The following OR1J2 variants were observed in gnomAD, a reference collection of about 807,000 sequenced individuals.
The protein encoded by OR1J2 is olfactory receptor 1J2.
For missense variants in OR1J2, 304 were observed against 246.1 expected (o/e 1.24, Z -1.57); for synonymous variants, 142 against 99.7 (o/e 1.42, Z -2.52).
the OR1J2 span, among the ~76,000 whole-genome samples, chr9:122,451,272 A>G: frequency 1.1e-4 from 17 of 151,180 alleles, no homozygotes; most frequent in Non-Finnish European, 2.5e-4. Context: ...TGCAACCTAC[A>G]CCACCCGGGT....
the OR1J2 span, chr9:122,576,749 A>C: frequency 6.6e-6 from 1 of 152,202 alleles, no homozygotes; most frequent in Non-Finnish European, 1.5e-5. Context: ...CATCAATTAC[A>C]GTTCAGGTTT....
the OR1J2 span, among the ~76,000 whole-genome samples, chr9:122,565,714 C>G: frequency 0.028 from 4,293 of 152,334 alleles, 192 homozygotes; most frequent in African/African-American, 0.098. Flanking sequence ...AACTTACCTT[C>G]TCCCCACCTT....
chr9:122,519,072 A>AAATC, the OR1J2 span: 1 of 1,081,124 alleles, frequency 9.2e-7, no homozygotes, highest in East Asian at 2.4e-5. Flanking sequence ...CTGCTGCTGT[A>AAATC]AATCAACATT....
chr9:122,555,155 C>T, the OR1J2 span, among the ~76,000 whole-genome samples: 1 of 152,154 alleles, frequency 6.6e-6, no homozygotes, highest in Non-Finnish European at 1.5e-5. Context: ...GCAGTGATAA[C>T]TCACAGAGAA....
chr9:122,470,532 C>T, the OR1J2 span, among the ~76,000 whole-genome samples: 1 of 152,180 alleles, frequency 6.6e-6, no homozygotes, highest in Non-Finnish European at 1.5e-5. Context: ...GGGTTGGAAC[C>T]CCCACACAGA....
the OR1J2 span, among the ~76,000 whole-genome samples, chr9:122,483,552 A>G: frequency 6.6e-6 from 1 of 152,234 alleles, no homozygotes; most frequent in Non-Finnish European, 1.5e-5. Context: ...TTATGGGCAC[A>G]TATATGCAGT....
At chr9:122,531,904 G>A in the OR1J2 span, among the ~76,000 whole-genome samples, 1 of 152,188 alleles carries the variant, frequency 6.6e-6, no homozygotes, top group Non-Finnish European at 1.5e-5. Context: ...CAGTGAAAGT[G>A]TCTACCTAGA....
chr9:122,490,418 T>A, the OR1J2 span, among the ~76,000 whole-genome samples: 1 of 152,236 alleles, frequency 6.6e-6, no homozygotes, highest in African/African-American at 2.4e-5. Flanking sequence ...TGGCTTGTTA[T>A]ATCTGCATTG....
chr9:122,486,302 G>T, the OR1J2 span, among the ~76,000 whole-genome samples: 3,086 of 152,176 alleles, frequency 0.02, 111 homozygotes, highest in African/African-American at 0.07. Context: ...GAGAACACTG[G>T]GATTCAGTGA....
chr9:122,460,053 T>C, the OR1J2 span, among the ~76,000 whole-genome samples: 1 of 152,156 alleles, frequency 6.6e-6, no homozygotes, highest in African/African-American at 2.4e-5. Context: ...TGTTTGGTTT[T>C]CCATTCCCAA....
the OR1J2 span, chr9:122,526,634 C>T: frequency 6.2e-7 from 1 of 1,614,150 alleles, no homozygotes; most frequent in Non-Finnish European, 8.5e-7. Flanking sequence ...GGATAGCTGG[C>T]ACAATGTGGA....
the OR1J2 span, among the ~76,000 whole-genome samples, chr9:122,555,058 TTTC>T: frequency 0.079 from 12,072 of 152,248 alleles, 674 homozygotes; most frequent in East Asian, 0.26. Context: ...AGGTTATCAA[TTTC>T]TTCTTTATAG....
the OR1J2 span, among the ~76,000 whole-genome samples, chr9:122,500,333 C>T: frequency 1.3e-5 from 2 of 152,114 alleles, no homozygotes; most frequent in African/African-American, 4.8e-5. Context: ...CAGAGGGAGG[C>T]TCTCTGCCTC....
At chr9:122,568,998 T>C in the OR1J2 span, among the ~76,000 whole-genome samples, 1 of 152,138 alleles carries the variant, frequency 6.6e-6, no homozygotes, top group East Asian at 1.9e-4. Context: ...CAGGACACTC[T>C]TTCCCTATCA....
At chr9:122,561,877 T>C in the OR1J2 span, among the ~76,000 whole-genome samples, 4 of 152,186 alleles carry the variant, frequency 2.6e-5, no homozygotes, top group African/African-American at 7.2e-5. Context: ...GGAGGGGGTA[T>C]GCTGTGCTGG....
chr9:122,555,522 G>A, the OR1J2 span, among the ~76,000 whole-genome samples: 8 of 152,158 alleles, frequency 5.3e-5, no homozygotes, highest in Admixed American at 3.3e-4. Context: ...TCTCCTCTTT[G>A]GGAACTAATT....
At chr9:122,494,827 A>AT in the OR1J2 span, among the ~76,000 whole-genome samples, 1 of 152,066 alleles carries the variant, frequency 6.6e-6, no homozygotes, top group Non-Finnish European at 1.5e-5. Flanking sequence ...TATTTTAAGG[A>AT]TTTGTTCCAA....
chr9:122,567,507 T>A, the OR1J2 span: 1 of 1,410,484 alleles, frequency 7.1e-7, no homozygotes. Flanking sequence ...CACGTCCAAG[T>A]TGAGCAGATT....
chr9:122,527,046 A>G, the OR1J2 span: 1 of 1,614,206 alleles, frequency 6.2e-7, no homozygotes, highest in Admixed American at 1.7e-5. Flanking sequence ...CCGAGTCTGT[A>G]TATTCACCAG....
Sources: allele counts gnomAD v4.1 joint callset (sites outside exome capture counted in the v4.1 genomes callset), GRCh38; gene constraint gnomAD v4.1.1; transcripts MANE v1.5; gene names NCBI Gene and HGNC (gene_info 2026-07-23, HGNC 2026-07-21).